Variants in OR52K1 observed in about 807,000 individuals in gnomAD.
OR52K1 encodes olfactory receptor family 52 subfamily K member 1.
Under a neutral mutation model 8.7 loss-of-function variants are expected in OR52K1, and 10 were observed. The ratio of observed to expected loss-of-function variants is 1.15; its 90% CI spans 0.71 to 1.95. OR52K1 has a LOEUF of 1.95. OR52K1 is among the 30% of genes most tolerant of loss of function. The pLI, the probability that OR52K1 is intolerant of heterozygous loss-of-function variation, is 0.00. For synonymous variants in OR52K1, 203 were observed against 148.5 expected, an observed-to-expected ratio of 1.37 and a Z score of -2.67; for missense variants, 431 against 397.2, an observed-to-expected ratio of 1.08 and a Z score of -0.72.
At chr11:4,485,246 A>C (rs943490594) in intron 1 of OR52K1, among the ~76,000 whole-genome samples, 5 of 151,880 alleles carry the variant, frequency 3.3e-5, no homozygotes, top group African/African-American at 1.2e-4. Context: ...GTGTGCTCCA[A>C]CTCTTCTCCC....
chr11:4,487,941 TA>T (rs1406775614), intron 1 of OR52K1, among the ~76,000 whole-genome samples: 4 of 152,084 alleles, frequency 2.6e-5, no homozygotes, highest in Admixed American at 2.6e-4. Flanking sequence ...CAGAACAAGA[TA>T]AAAAGGTGAA....
chr11:4,487,114 A>G (rs777796233), intron 1 of OR52K1, among the ~76,000 whole-genome samples: 12 of 152,220 alleles, frequency 7.9e-5, no homozygotes, highest in Admixed American at 4.6e-4. Flanking sequence ...ATCCAGATTG[A>G]TATGTTTCAA....
intron 1 of OR52K1, among the ~76,000 whole-genome samples, chr11:4,486,678 A>T (rs375272513): frequency 6.6e-6 from 1 of 152,196 alleles, no homozygotes; most frequent in South Asian, 2.1e-4. Flanking sequence ...TTTAATCATG[A>T]TGTCCTTTTA....
In OR52K1 at chr11:4,489,556, C is replaced by A. The variant is rs768459468; in HGVS notation, c.656C>A (p.Ser219Tyr). The A allele has an allele frequency of 2.5e-5, 41 of 1,614,100 alleles. No homozygotes were observed. Among genetic ancestry groups the A allele is most frequent in the Non-Finnish European group, 3.2e-5 (38 of 1,180,044 alleles). Residue 219 changes from serine (S) to tyrosine (Y), a missense_variant, in exon 2 of 2, where the codon TCT becomes TAT. Coordinates refer to ENST00000641528, the MANE Select transcript of OR52K1 (RefSeq NM_001005171.3). ...TTGGACCTGCTCTTTGTTATCCTGT[C>A]TTATGTCTTCATCCTTCAGGCAGTT... ...VVLDLLFVIL[S>Y]YVFILQAVLQ...
At position 4,489,077 on chromosome 11, in the gene OR52K1, ACCCATGTAC is replaced by A. The variant is rs748010143; in HGVS notation, c.179_187del (p.Pro60_Tyr62del). On this transcript the variant is annotated inframe_deletion, in exon 2 of 2. Coordinates refer to ENST00000641528, the MANE Select transcript of OR52K1 (RefSeq NM_001005171.3). ...TCCAGGCTGATGCAGCCCTCCATGA[ACCCATGTAC>A]CTCTTTCTGGCCATGTTGGCAACCA... is the stretch of plus-strand genomic sequence containing the variant. 1 of 1,614,060 alleles carries A rather than the reference ACCCATGTAC, an allele frequency of 6.2e-7. No homozygotes were observed. Among genetic ancestry groups the A allele is most frequent in the East Asian group, 2.2e-5 (1 of 44,874 alleles).
At position 4,489,267 on chromosome 11, in the gene OR52K1, G is replaced by C; in HGVS notation, c.367G>C (p.Asp123His). Residue 123 changes from aspartate (D) to histidine (H), a missense_variant, in exon 2 of 2, where the codon GAC becomes CAC. By Grantham distance (81) the Asp-to-His change is moderately conservative. Transcript: ENST00000641528. ...ESAVLLAMAFDRYVAICKPLH... is the reference protein window; with the variant it reads ...ESAVLLAMAFHRYVAICKPLH... ...AGCAGTGCTGCTGGCCATGGCCTTT[G>C]ACCGCTATGTGGCCATCTGCAAGCC... The C allele has an allele frequency of 6.2e-7, 1 of 1,614,116 alleles. No homozygotes were observed. The highest frequency in any genetic ancestry group is 8.5e-7 in the Non-Finnish European group (1 of 1,180,020).
chr11:4,490,682 G>A lies in OR52K1; in HGVS notation c.*837G>A, dbSNP rs1197995637. The A allele has an allele frequency of 6.6e-6, 1 of 152,182 alleles. No homozygotes were observed. Among genetic ancestry groups the A allele is most frequent in the Non-Finnish European group, 1.5e-5 (1 of 68,034 alleles). The allele number at this position is 152,182 out of a possible 1,614,324, so 9.4% of individuals were successfully genotyped here. A position where few individuals can be genotyped will look rare whatever the true frequency, so the allele number is the denominator to read the frequency against. Reference sequence around the variant, plus strand: ...ACAATACTGTCACACACTGCATAATGAAGTTTTGGTCAGTAATGGATCACC... The same window carrying A: ...ACAATACTGTCACACACTGCATAATAAAGTTTTGGTCAGTAATGGATCACC... On this transcript the variant is annotated 3_prime_UTR_variant, in exon 2 of 2. Coordinates refer to ENST00000641528, the MANE Select transcript of OR52K1 (RefSeq NM_001005171.3).
At chr11:4,484,662 A>G (rs1384537658) in intron 1 of OR52K1, among the ~76,000 whole-genome samples, 2 of 152,032 alleles carry the variant, frequency 1.3e-5, no homozygotes, top group African/African-American at 4.8e-5. Flanking sequence ...TGTTTGTTTC[A>G]GGATATGTTT....
intron 1 of OR52K1, among the ~76,000 whole-genome samples, chr11:4,486,939 G>C (rs1489573418): frequency 6.6e-6 from 1 of 152,178 alleles, no homozygotes; most frequent in Non-Finnish European, 1.5e-5. Context: ...CGGGAATATG[G>C]TGGTACACGA....
rs1846364423 is a variant in OR52K1 at position 4,490,358 on chromosome 11, G to C, written c.*513G>C. 6.5e-6 allele frequency: 1 copy of C among 154,768 alleles called. No individual in the cohort carries two copies. The highest frequency in any genetic ancestry group is 1.4e-5 in the Non-Finnish European group (1 of 69,608). The allele number at this position is 154,768 out of a possible 1,614,324, so 9.6% of individuals were successfully genotyped here. A position where few individuals can be genotyped will look rare whatever the true frequency, so the allele number is the denominator to read the frequency against. On this transcript the variant is annotated 3_prime_UTR_variant, in exon 2 of 2. Transcript: ENST00000641528. Reference sequence around the variant, plus strand: ...CCAATTTTATTTCTACAGTTAGACAGCTCCATTTATAAGTAGATCTATTTC... The same window carrying C: ...CCAATTTTATTTCTACAGTTAGACACCTCCATTTATAAGTAGATCTATTTC...
chr11:4,490,019 G>A lies in OR52K1; in HGVS notation c.*174G>A, dbSNP rs1450535450. The A allele has an allele frequency of 1.6e-6, 1 of 607,612 alleles. No individual in the cohort carries two copies. The highest frequency in any genetic ancestry group is 2.9e-6 in the Non-Finnish European group (1 of 345,006). 37.6% of individuals were successfully genotyped at this position (607,612 alleles called of 1,614,324 possible). On this transcript the variant is annotated 3_prime_UTR_variant, in exon 2 of 2. Coordinates refer to ENST00000641528, the MANE Select transcript of OR52K1 (RefSeq NM_001005171.3). ...CTACGAGTCAGGTCAAACCAGGAGT[G>A]CACCTATAGTCTGGTCTGATAGTAG...
rs1846294667 is a variant in OR52K1, at chr11:4,483,190, T to C, written c.-329+14T>C. 1 of 398,476 alleles carries C rather than the reference T, an allele frequency of 2.5e-6. No homozygotes were observed. Among genetic ancestry groups the C allele is most frequent in the South Asian group, 1.3e-4 (1 of 7,864 alleles). 24.7% of individuals were successfully genotyped at this position (398,476 alleles called of 1,614,324 possible). ...TGGCAGGGAAAGGTAAGAAATACCT[T>C]ATCTTTGAGGTTCTTCTACCAGAAG... is the stretch of plus-strand genomic sequence containing the variant. On this transcript the variant is annotated intron_variant, in intron 1 of 1. Transcript: ENST00000641528.
At position 4,492,740 on chromosome 11, in the gene OR52K1, C is replaced by T. The variant is rs1401955471; in HGVS notation, c.*2895C>T. 1.3e-5 allele frequency: 2 copies of T among 152,842 alleles called. No homozygotes were observed. The highest frequency in any genetic ancestry group is 4.8e-5 in the African/African-American group (2 of 41,426). The allele number at this position is 152,842 out of a possible 1,614,324, so 9.5% of individuals were successfully genotyped here. A position where few individuals can be genotyped will look rare whatever the true frequency, so the allele number is the denominator to read the frequency against. On this transcript the variant is annotated 3_prime_UTR_variant, in exon 2 of 2. Transcript: ENST00000641528. ...CATACTTTTACATGATCTACTTATACTGTAGGGACCAGCCCTACAGGGTCT... is the reference window on the plus strand; with the variant it reads ...CATACTTTTACATGATCTACTTATATTGTAGGGACCAGCCCTACAGGGTCT...
Position 4,489,605 on chromosome 11 carries a change from C to A in OR52K1, c.705C>A (p.Ala235=). The stretch of plus-strand genomic sequence containing the variant: ...TTCTCCAGCTTGCCTCTCAGGAGGC[C>A]CGCTACAAGGCATTTGGGACATGTG... ...QAVLQLASQE[A]RYKAFGTCVS... Residue 235 remains alanine, a synonymous_variant, in exon 2 of 2, where the codon GCC becomes GCA. Coordinates refer to ENST00000641528, the MANE Select transcript of OR52K1 (RefSeq NM_001005171.3). 6.2e-7 allele frequency: 1 copy of A among 1,614,152 alleles called. No homozygotes were observed. The highest frequency in any genetic ancestry group is 8.5e-7 in the Non-Finnish European group (1 of 1,179,998).
chr11:4,487,226 G>A (rs773786203), intron 1 of OR52K1, among the ~76,000 whole-genome samples: 7 of 152,100 alleles, frequency 4.6e-5, no homozygotes, highest in Admixed American at 1.3e-4. Context: ...TTAATGTCAC[G>A]GTAGATTAAT....
At chr11:4,485,108 C>T (rs1229039463) in intron 1 of OR52K1, among the ~76,000 whole-genome samples, 1 of 152,200 alleles carries the variant, frequency 6.6e-6, no homozygotes, top group Non-Finnish European at 1.5e-5. Context: ...TTTGACTCAT[C>T]AGTAGCATTT....
At position 4,490,540 on chromosome 11, in the gene OR52K1, G is replaced by A. The variant is rs12291216; in HGVS notation, c.*695G>A. ...ATGTCTTTTGCCTCCAAAATACTTAGTAATATTTATTAAATGAACGGATAG... is the reference window on the plus strand; with the variant it reads ...ATGTCTTTTGCCTCCAAAATACTTAATAATATTTATTAAATGAACGGATAG... On this transcript the variant is annotated 3_prime_UTR_variant, in exon 2 of 2. Coordinates refer to ENST00000641528, the MANE Select transcript of OR52K1 (RefSeq NM_001005171.3). 1 of 152,048 alleles carries A rather than the reference G, an allele frequency of 6.6e-6. No homozygotes were observed. The highest frequency in any genetic ancestry group is 1.5e-5 in the Non-Finnish European group (1 of 68,044). The allele number at this position is 152,048 out of a possible 1,614,324, so 9.4% of individuals were successfully genotyped here.
Position 4,483,191 on chromosome 11 carries a change from A to G in OR52K1, c.-329+15A>G, listed in dbSNP as rs1846294689. ...GGCAGGGAAAGGTAAGAAATACCTT[A>G]TCTTTGAGGTTCTTCTACCAGAAGC... On this transcript the variant is annotated intron_variant, in intron 1 of 1. Coordinates refer to ENST00000641528, the MANE Select transcript of OR52K1 (RefSeq NM_001005171.3). 4 of 398,646 alleles carry G rather than the reference A, an allele frequency of 1.0e-5. No homozygotes were observed. In the South Asian group the frequency reaches 3.8e-4, roughly 38 times the overall value. 24.7% of individuals were successfully genotyped at this position (398,646 alleles called of 1,614,324 possible).
Position 4,492,161 on chromosome 11 carries a change from C to G in OR52K1, c.*2316C>G, listed in dbSNP as rs1846381046. On this transcript the variant is annotated 3_prime_UTR_variant, in exon 2 of 2. Transcript: ENST00000641528. Reference sequence around the variant, plus strand: ...AAGTGTGCATTAACTTTCCTGCTTTCTTTCCCCTCTGCTGCAAAACCCAGC... The same window carrying G: ...AAGTGTGCATTAACTTTCCTGCTTTGTTTCCCCTCTGCTGCAAAACCCAGC... The G allele has an allele frequency of 1.3e-5, 2 of 152,126 alleles. No individual in the cohort carries two copies. Among genetic ancestry groups the G allele is most frequent in the Admixed American group, 1.3e-4 (2 of 15,272 alleles). The allele number at this position is 152,126 out of a possible 1,614,324, so 9.4% of individuals were successfully genotyped here.
Sources: allele counts gnomAD v4.1 joint callset (sites outside exome capture counted in the v4.1 genomes callset), GRCh38; gene constraint gnomAD v4.1.1; transcripts MANE v1.5; gene names NCBI Gene and HGNC (gene_info 2026-07-23, HGNC 2026-07-21).